Variants in POLE observed in about 807,000 individuals in gnomAD.
The protein encoded by POLE is DNA polymerase epsilon, catalytic subunit.
In POLE, 188 loss-of-function variants were observed where a neutral mutation model predicts 279.2. The ratio of observed to expected loss-of-function variants is 0.67; its 90% CI spans 0.60 to 0.76. The LOEUF (loss-of-function observed/expected upper bound fraction) is 0.76, where lower values mean the gene tolerates loss of function less well. Among genes scored for constraint, POLE ranks in the 30% least tolerant of loss-of-function variants. The pLI, the probability that POLE is intolerant of heterozygous loss-of-function variation, is 0.00. For synonymous variants in POLE, 1,214 were observed against 1,172.5 expected (o/e 1.04, Z -0.72); for missense variants, 2,703 against 3,016.7 (o/e 0.90, Z 2.44).
chr12:132,654,164 G>GT (rs111889436), intron 29 of POLE, among the ~76,000 whole-genome samples: 40 of 147,842 alleles, frequency 2.7e-4, no homozygotes, highest in East Asian at 1.2e-3. Context: ...TGAGCTAAGG[G>GT]TTTTTTTTTT....
chr12:132,650,315 T>C (rs2042394419), intron 29 of POLE: 1 of 192,840 alleles, frequency 5.2e-6, no homozygotes. Context: ...ACAAGTTTAT[T>C]GAACCTTTAA....
Position 132,657,396 on chromosome 12 carries a change from C to G in POLE, c.3412G>C (p.Gly1138Arg). 1 of 1,614,120 alleles carries G rather than the reference C, an allele frequency of 6.2e-7. No individual in the cohort carries two copies. Among genetic ancestry groups the G allele is most frequent in the Non-Finnish European group, 8.5e-7 (1 of 1,180,028 alleles). The change falls in exon 28 of 49, where the codon GGA (glycine) becomes CGA (arginine). Residue 1138 changes from glycine to arginine, a missense_variant. Around this residue, in one of 5 missense-constraint regions of POLE, gnomAD observed 1,551 missense variants for 1,686.1 expected, o/e 0.92. Transcript: ENST00000320574. ...GTGATGATCTTCTGGATGGCGCTTC[C>G]CAGCCGCTCAATGTAGTAGTCCCAA... ...LDWDYYIERL[G>R]SAIQKIITIP...
At chr12:132,671,453 A>G (rs891339513) in intron 16 of POLE, among the ~76,000 whole-genome samples, 2 of 151,036 alleles carry the variant, frequency 1.3e-5, no homozygotes, top group African/African-American at 4.9e-5. Flanking sequence ...GGCGGATCAC[A>G]AGGTCAGGAG....
At chr12:132,645,374 C>T (rs1217012771) in intron 32 of POLE, among the ~76,000 whole-genome samples, 1 of 149,918 alleles carries the variant, frequency 6.7e-6, no homozygotes, top group African/African-American at 2.5e-5. Flanking sequence ...AGAGGGGGCA[C>T]CCTAGCTTCG....
At chr12:132,671,177 C>T (rs150459192) in intron 16 of POLE, among the ~76,000 whole-genome samples, 2 of 144,094 alleles carry the variant, frequency 1.4e-5, no homozygotes, top group African/African-American at 2.6e-5. Flanking sequence ...ACAGGAGAAT[C>T]GCTTGAACCC....
In POLE at chr12:132,668,729, G is replaced by A. The variant is rs1593792850; in HGVS notation, c.1932C>T (p.Ala644=). 6.2e-7 allele frequency: 1 copy of A among 1,613,996 alleles called. No individual in the cohort carries two copies. Among genetic ancestry groups the A allele is most frequent in the Non-Finnish European group, 8.5e-7 (1 of 1,179,876 alleles). The stretch of plus-strand genomic sequence containing the variant: ...CAGCACAGGTGGCTTCGTCCACCAT[G>A]GCAGAGGGCTGGGAGGGGTGAGAAA... The part of the protein sequence containing the change: ...IILTNRLQPS[A]MVDEATCAAC... Residue 644 remains alanine (A), a synonymous_variant, in exon 18 of 49, where the codon GCC becomes GCT. Transcript: ENST00000320574. This position sits in a 1 kb window ranked among gnomAD's most constrained non-coding sequence, Gnocchi z 4.0.
rs989886155 is a variant in POLE at position 132,661,036 on chromosome 12, G to A, written c.2993C>T (p.Thr998Met). The change falls in exon 25 of 49, where the codon ACG becomes ATG. Residue 998 changes from threonine (T) to methionine (M), a missense_variant. By Grantham distance (81) the Thr-to-Met change is moderately conservative (BLOSUM62 -1). Transcript: ENST00000320574. The surrounding 1 kb of genome is among the most constrained non-coding windows in gnomAD (Gnocchi z 4.1). ...SVFEAFLKGS[T>M]LEEVYGSVAK... is the part of the protein sequence containing the mutation. Reference sequence around the variant, plus strand: ...TACAGAGCCATACACCTCTTCCAGCGTGCTGCCCTTGAGGAAGGCCTCAAA... The same window carrying A: ...TACAGAGCCATACACCTCTTCCAGCATGCTGCCCTTGAGGAAGGCCTCAAA... The A allele has an allele frequency of 1.2e-5, 19 of 1,613,912 alleles. No homozygotes were observed. The highest frequency in any genetic ancestry group is 4.0e-5 in the African/African-American group (3 of 74,884).
intron 16 of POLE, among the ~76,000 whole-genome samples, chr12:132,669,736 T>G (rs1179971457): frequency 6.6e-6 from 1 of 152,088 alleles, no homozygotes; most frequent in Non-Finnish European, 1.5e-5. Flanking sequence ...CTGGGACAAG[T>G]GAATGGCCAA....
rs1555222725 is a variant in POLE, at chr12:132,642,906, G to T, written c.4642C>A (p.Pro1548Thr). The T allele has an allele frequency of 1.2e-6, 2 of 1,613,678 alleles. No homozygotes were observed. The highest frequency in any genetic ancestry group is 8.5e-7 in the Non-Finnish European group (1 of 1,179,854). The change falls in exon 36 of 49, where the codon CCC (proline) becomes ACC (threonine). Residue 1548 changes from proline to threonine, a missense_variant. Around this residue, in one of 5 missense-constraint regions of POLE, gnomAD observed 1,551 missense variants for 1,686.1 expected, o/e 0.92. Transcript: ENST00000320574. ...LEKVGPELLPPPKHTFEVRAE... is the reference protein window; with the variant it reads ...LEKVGPELLPTPKHTFEVRAE... ...CGAACTTCGAAGGTGTGTTTGGGGG[G>T]TGGCAGGAGCTCAGGGCCCACCTTC...
intron 20 of POLE, among the ~76,000 whole-genome samples, chr12:132,665,740 G>A (rs1287545059): frequency 6.6e-6 from 1 of 152,068 alleles, no homozygotes; most frequent in Admixed American, 6.6e-5. Context: ...AGAGCTACTC[G>A]GGGGTGCCTG....
At chr12:132,641,199 T>G (rs117229574) in intron 39 of POLE, 5,327 of 393,180 alleles carry the variant, frequency 0.014, 112 homozygotes, top group South Asian at 0.045. Flanking sequence ...CCACCGCTGG[T>G]GGGTAATGCG....
chr12:132,644,127 G>A, intron 32 of POLE, 150 bp from the exon 33 acceptor site: 1 of 662,770 alleles, frequency 1.5e-6, no homozygotes. Context: ...CTCTCTCAAT[G>A]ATTACAACTA....
chr12:132,642,109 G>A, intron 38 of POLE, 68 bp downstream of exon 38: 3 of 1,333,878 alleles, frequency 2.2e-6, no homozygotes, highest in African/African-American at 1.5e-5. Context: ...CTATTGCCTT[G>A]AGAAGATGTC....
chr12:132,645,625 C>T (rs911101335), intron 32 of POLE, among the ~76,000 whole-genome samples: 34 of 152,126 alleles, frequency 2.2e-4, no homozygotes, highest in Non-Finnish European at 1.8e-4. Flanking sequence ...ACCTGACACG[C>T]TAAAGGATTT....
Position 132,635,957 on chromosome 12 carries a change from A to G in POLE, c.5746T>C (p.Trp1916Arg). The G allele has an allele frequency of 6.2e-7, 1 of 1,614,042 alleles. No homozygotes were observed. Among genetic ancestry groups the G allele is most frequent in the South Asian group, 1.1e-5 (1 of 91,072 alleles). ...CCGCCATAGTTAGATGGATCCATCCAGAGAAGAAATTCCCAGCATCGAGAG... is the reference window on the plus strand; with the variant it reads ...CCGCCATAGTTAGATGGATCCATCCGGAGAAGAAATTCCCAGCATCGAGAG... ...SFSRCWEFLL[W>R]MDPSNYGGIK... is the part of the protein sequence containing the mutation. The change falls in exon 42 of 49, where the codon TGG becomes CGG. Residue 1916 changes from tryptophan to arginine, a missense_variant. This residue lies in a region of POLE where 1,551 missense variants were observed against 1,686.1 expected (regional missense o/e 0.92). Transcript: ENST00000320574.
chr12:132,679,453 T>A (rs2043120490), intron 6 of POLE, 44 bp downstream of exon 6: 1 of 1,568,028 alleles, frequency 6.4e-7, no homozygotes, highest in African/African-American at 1.3e-5. Context: ...ATCCATCTTG[T>A]CGTTCTGAAC....
intron 1 of POLE, among the ~76,000 whole-genome samples, chr12:132,682,877 C>T (rs1169264452): frequency 6.6e-6 from 1 of 151,886 alleles, no homozygotes; most frequent in African/African-American, 2.4e-5. Context: ...GGCGTGAATC[C>T]AGGAGGCAGA....
intron 12 of POLE, 135 bp from the exon 13 acceptor site, chr12:132,673,842 C>A: frequency 2.1e-6 from 2 of 940,814 alleles, no homozygotes; most frequent in Admixed American, 3.8e-5. Flanking sequence ...ACACCAAGGC[C>A]CCACATGGTG....
intron 3 of POLE, 160 bp downstream of exon 3, chr12:132,680,447 G>A: frequency 1.5e-6 from 1 of 676,094 alleles, no homozygotes; most frequent in Non-Finnish European, 2.6e-6. Flanking sequence ...ACCTCTCTCA[G>A]GACATCTTAC....
Sources: allele counts gnomAD v4.1 joint callset (sites outside exome capture counted in the v4.1 genomes callset), GRCh38; gene constraint gnomAD v4.1.1; regional missense constraint gnomAD v4.1.1; non-coding constraint Gnocchi (gnomAD v3.1); transcripts MANE v1.5; gene names NCBI Gene and HGNC (gene_info 2026-07-23, HGNC 2026-07-21).